CYSLTR1: variants seen among roughly 807,000 people sequenced by gnomAD.
CYSLTR1 encodes cysteinyl leukotriene receptor 1.
CYSLTR1 carries 1 observed loss-of-function variant against 2.1 expected under a neutral mutation model. The observed-to-expected ratio is 0.48, with a 90% CI of 0.17 to 2.28. The LOEUF is 2.28. Among genes scored for constraint, CYSLTR1 ranks in the 30% most tolerant of loss-of-function variants. CYSLTR1 has a pLI of 0.26. For missense variants in CYSLTR1, 299 were observed against 250.1 expected, an observed-to-expected ratio of 1.20 and a Z score of -1.32; for synonymous variants, 110 against 89.6, an observed-to-expected ratio of 1.23 and a Z score of -1.28.
chrX:78,312,658 A>C (rs1923261918), intron 1 of CYSLTR1, among the ~76,000 whole-genome samples: 1 of 112,337 alleles, frequency 8.9e-6, no homozygotes. Context: ...TGGGGAAAGA[A>C]CAGGAACAGA....
chrX:78,318,524 C>A (rs1368669338), intron 1 of CYSLTR1, among the ~76,000 whole-genome samples: 1 of 111,703 alleles, frequency 9.0e-6, no homozygotes, highest in African/African-American at 3.3e-5. Flanking sequence ...CACATGTACC[C>A]CTGAACTTAA....
chrX:78,297,852 G>GT (rs1194730748), intron 1 of CYSLTR1, among the ~76,000 whole-genome samples: 4 of 110,871 alleles, frequency 3.6e-5, no homozygotes, highest in Non-Finnish European at 7.6e-5. Context: ...CTTTCATACT[G>GT]TTTTTTCACT....
chrX:78,298,939 A>G (rs185689712), intron 1 of CYSLTR1, among the ~76,000 whole-genome samples: 47 of 110,250 alleles, frequency 4.3e-4, no homozygotes, highest in Admixed American at 4.1e-3. Context: ...GTTGTTTTAT[A>G]TTCTTCTCTT....
intron 2 of CYSLTR1, among the ~76,000 whole-genome samples, chrX:78,280,200 TA>T (rs1921776625): frequency 9.0e-6 from 1 of 111,319 alleles, no homozygotes; most frequent in African/African-American, 3.3e-5. Context: ...GCTTTCTAGT[TA>T]CCTGGCTCAT....
intron 1 of CYSLTR1, among the ~76,000 whole-genome samples, chrX:78,318,115 G>A (rs1225643044): frequency 2.7e-5 from 3 of 112,157 alleles, no homozygotes; most frequent in Admixed American, 9.4e-5. Context: ...ATTCACAATA[G>A]CAAAGACATG....
intron 1 of CYSLTR1, among the ~76,000 whole-genome samples, chrX:78,302,395 G>A (rs1170387452): frequency 9.0e-6 from 1 of 111,351 alleles, no homozygotes; most frequent in Non-Finnish European, 1.9e-5. Context: ...GACCACATTG[G>A]GGCCCTACAT....
At chrX:78,317,595 A>C (rs1330017444) in intron 1 of CYSLTR1, among the ~76,000 whole-genome samples, 1 of 112,207 alleles carries the variant, frequency 8.9e-6, no homozygotes, top group East Asian at 2.8e-4. Flanking sequence ...CCCATCAACC[A>C]ATGACTGTAT....
At chrX:78,303,814 T>C (rs940265365) in intron 1 of CYSLTR1, among the ~76,000 whole-genome samples, 5 of 111,786 alleles carry the variant, frequency 4.5e-5, no homozygotes, top group Non-Finnish European at 9.4e-5. Flanking sequence ...TTGAGTGATC[T>C]TGGGCAAATC....
intron 2 of CYSLTR1, among the ~76,000 whole-genome samples, chrX:78,279,955 G>A (rs1159346102): frequency 9.0e-6 from 1 of 110,958 alleles, no homozygotes; most frequent in Non-Finnish European, 1.9e-5. Context: ...TAGGAGGTAG[G>A]GTGGAAGGGA....
chrX:78,326,980 C>T (rs766106198), intron 1 of CYSLTR1, among the ~76,000 whole-genome samples: 4 of 111,896 alleles, frequency 3.6e-5, no homozygotes, highest in Admixed American at 9.5e-5. Context: ...CTCCACTGAA[C>T]CCTCAAAATG....
At chrX:78,323,930 G>T (rs1480765066) in intron 1 of CYSLTR1, among the ~76,000 whole-genome samples, 1 of 111,699 alleles carries the variant, frequency 9.0e-6, no homozygotes, top group Non-Finnish European at 1.9e-5. Flanking sequence ...AAGGGCTTAT[G>T]TTTACTCTTC....
At chrX:78,326,199 AATT>A (rs1191940490) in intron 1 of CYSLTR1, among the ~76,000 whole-genome samples, 1 of 112,005 alleles carries the variant, frequency 8.9e-6, no homozygotes, top group African/African-American at 3.2e-5. Flanking sequence ...TTTTAGTTCT[AATT>A]GAGCCATTAA....
chrX:78,325,530 T>C (rs1923834868), intron 1 of CYSLTR1, among the ~76,000 whole-genome samples: 1 of 112,168 alleles, frequency 8.9e-6, no homozygotes, highest in Non-Finnish European at 1.9e-5. Context: ...GAAATACTAA[T>C]GGCTGTTAAC....
At chrX:78,311,599 A>C (rs759961785) in intron 1 of CYSLTR1, among the ~76,000 whole-genome samples, 3 of 112,168 alleles carry the variant, frequency 2.7e-5, no homozygotes, top group Non-Finnish European at 3.8e-5. Flanking sequence ...AAGACACTGC[A>C]AAGAAACTCC....
intron 1 of CYSLTR1, among the ~76,000 whole-genome samples, chrX:78,292,752 T>C (rs950418204): frequency 2.7e-5 from 3 of 110,990 alleles, no homozygotes; most frequent in African/African-American, 9.9e-5. Flanking sequence ...TGATCTTTGT[T>C]GGTTTAAAGT....
chrX:78,308,172 T>G (rs1040708018), intron 1 of CYSLTR1, among the ~76,000 whole-genome samples: 3 of 111,638 alleles, frequency 2.7e-5, no homozygotes, highest in African/African-American at 9.8e-5. Flanking sequence ...AAAACAGTAA[T>G]GTAGTTACAT....
chrX:78,312,358 G>A (rs182813566), intron 1 of CYSLTR1, among the ~76,000 whole-genome samples: 60 of 111,322 alleles, frequency 5.4e-4, no homozygotes, highest in South Asian at 3.0e-3. Flanking sequence ...GGAAAACCTC[G>A]AACCTTAAAA....
rs766386287 is a variant in CYSLTR1 at position 78,306,354 on chromosome X, G to A, written c.-115+20951C>T. On this transcript the variant is annotated intron_variant, in intron 1 of 2. Transcript: ENST00000373304. ...AATTTTTGTATTTTTAGTAGAGACC[G>A]TGTTTCACCATGTTGGCAAGGTTGG... Among the ~76,000 whole-genome samples, 18 of 110,504 alleles carry A rather than the reference G, an allele frequency of 1.6e-4. No individual in the cohort carries two copies. In the South Asian group the frequency reaches 3.1e-3, roughly 19 times the overall value.
In CYSLTR1 at chrX:78,273,075, AT is replaced by A. The variant is rs766746913; in HGVS notation, c.671del (p.Asn224IlefsTer9). 14 of 1,207,753 alleles carry A rather than the reference AT, an allele frequency of 1.2e-5. No homozygotes were observed. The highest frequency in any genetic ancestry group is 3.0e-5 in the East Asian group (1 of 33,769). On this transcript the variant is annotated frameshift_variant, in exon 3 of 3. Coordinates refer to ENST00000373304, the MANE Select transcript of CYSLTR1 (RefSeq NM_006639.4). LOFTEE classifies it high-confidence loss of function. ...LTLLKKSMKK[N>X]LSSHKKAIGM... ...CTATAGCCTTTTTATGACTTGACAGATTTTTTTTCATTGATTTTTTTAGTAA... is the reference window on the plus strand; with the variant it reads ...CTATAGCCTTTTTATGACTTGACAGATTTTTTTCATTGATTTTTTTAGTAA...
Sources: gnomAD v4.1 joint callset for allele counts (sites outside exome capture counted in the v4.1 genomes callset) on GRCh38, gnomAD v4.1.1 for gene constraint, MANE v1.5 for transcripts, NCBI Gene and HGNC (gene_info 2026-07-23, HGNC 2026-07-21) for gene names.